Variants in KCNIP3 observed in about 807,000 individuals in gnomAD.
KCNIP3 encodes the protein potassium voltage-gated channel interacting protein 3, also known as calsenilin.
A neutral mutation model predicts 35.0 loss-of-function variants in KCNIP3; 28 were observed. The ratio of observed to expected loss-of-function variants is 0.80; its 90% CI spans 0.59 to 1.10. KCNIP3 has a LOEUF of 1.10. KCNIP3 is among the 50% of genes least tolerant of loss of function. The pLI, the probability that KCNIP3 is intolerant of heterozygous loss-of-function variation, is 0.00. For missense variants in KCNIP3, 295 were observed against 338.4 expected, an observed-to-expected ratio of 0.87 and a Z score of 1.01; for synonymous variants, 134 against 133.8, an observed-to-expected ratio of 1.00 and a Z score of -0.01.
At chr2:95,314,590 G>A (rs952373856) in intron 2 of KCNIP3, among the ~76,000 whole-genome samples, 1 of 152,194 alleles carries the variant, frequency 6.6e-6, no homozygotes, top group African/African-American at 2.4e-5. Flanking sequence ...CACTGGATTT[G>A]AAGCAGAGTC....
chr2:95,325,098 A>G (rs1392283786), intron 2 of KCNIP3, among the ~76,000 whole-genome samples: 3 of 152,080 alleles, frequency 2.0e-5, no homozygotes, highest in Non-Finnish European at 2.9e-5. Flanking sequence ...AGGGAAGTGT[A>G]CTGGCTGGGC....
rs765355140 is a variant in KCNIP3 at position 95,384,087 on chromosome 2, AC to A, written c.*43del. 3 of 1,600,390 alleles carry A rather than the reference AC, an allele frequency of 1.9e-6. No individual in the cohort carries two copies. Among genetic ancestry groups the A allele is most frequent in the Admixed American group, 3.3e-5 (2 of 59,884 alleles). Reference sequence around the variant, plus strand: ...GGAGTGCATGGCCACAGCCACCTCCACCCCCAAGAAACCTCCATCCTGCCAG... The same window carrying A: ...GGAGTGCATGGCCACAGCCACCTCCACCCCAAGAAACCTCCATCCTGCCAG... On this transcript the variant is annotated 3_prime_UTR_variant, in exon 9 of 9. Transcript: ENST00000295225.
At chr2:95,383,666 G>T (rs190285298) in intron 8 of KCNIP3, among the ~76,000 whole-genome samples, 2 of 152,188 alleles carry the variant, frequency 1.3e-5, no homozygotes, top group Non-Finnish European at 2.9e-5. Context: ...AGCACCTCAG[G>T]GGGCAGGATG....
intron 2 of KCNIP3, among the ~76,000 whole-genome samples, chr2:95,330,190 C>T (rs1212205354): frequency 6.6e-6 from 1 of 152,126 alleles, no homozygotes; most frequent in Non-Finnish European, 1.5e-5. Context: ...TGATACTGGG[C>T]AGGGAGGGGC....
intron 3 of KCNIP3, 90 bp from the exon 4 acceptor site, chr2:95,374,758 G>C: frequency 1.4e-6 from 2 of 1,454,294 alleles, no homozygotes; most frequent in Middle Eastern, 1.8e-4. Flanking sequence ...CAGCCCCCAA[G>C]GGGGTGGAGA....
At chr2:95,365,111 A>G (rs1233520395) in intron 2 of KCNIP3, among the ~76,000 whole-genome samples, 1 of 148,922 alleles carries the variant, frequency 6.7e-6, no homozygotes, top group African/African-American at 2.5e-5. Context: ...AGTCTCAGGT[A>G]TTCCTTTCTA....
rs746764229 is a variant in KCNIP3, at chr2:95,324,282, C to T, written c.181+13762C>T. Among the ~76,000 whole-genome samples the T allele has an allele frequency of 2.3e-3, 349 of 150,260 alleles. 1 individual carries two copies. Among genetic ancestry groups the T allele is most frequent in the Middle Eastern group, 0.011 (3 of 278 alleles). ...ATCCCAGCACTTTGGGAGGCCGAGG[C>T]AGGCGGATCACGAGGTCAGGAGATC... On this transcript the variant is annotated intron_variant, in intron 2 of 8. Transcript: ENST00000295225.
intron 2 of KCNIP3, chr2:95,312,660 A>G (rs1396575233): frequency 6.6e-6 from 1 of 151,888 alleles, no homozygotes; most frequent in Non-Finnish European, 1.5e-5. Context: ...GGAGCTCATC[A>G]CCCTGATTTA....
At chr2:95,330,386 C>T (rs1678897090) in intron 2 of KCNIP3, among the ~76,000 whole-genome samples, 1 of 152,150 alleles carries the variant, frequency 6.6e-6, no homozygotes, top group African/African-American at 2.4e-5. Context: ...TGAGGGCCAT[C>T]CCATATGGGG....
chr2:95,304,490 C>T (rs1678121967), intron 1 of KCNIP3, among the ~76,000 whole-genome samples: 1 of 152,162 alleles, frequency 6.6e-6, no homozygotes, highest in Admixed American at 6.5e-5. Context: ...ATCTCCTGCA[C>T]CTCGTAGGTG....
intron 5 of KCNIP3, among the ~76,000 whole-genome samples, chr2:95,379,421 G>C (rs1358493124): frequency 1.3e-5 from 2 of 151,722 alleles, no homozygotes; most frequent in African/African-American, 4.9e-5. Flanking sequence ...GCCAGAGGAG[G>C]CCCCCCCACC....
At chr2:95,344,383 G>A (rs1679294685) in intron 2 of KCNIP3, among the ~76,000 whole-genome samples, 1 of 152,196 alleles carries the variant, frequency 6.6e-6, no homozygotes, top group Admixed American at 6.5e-5. Context: ...GGCCTACGCT[G>A]GTGAGTGAGC....
intron 2 of KCNIP3, among the ~76,000 whole-genome samples, chr2:95,365,248 G>A (rs1470419216): frequency 6.3e-5 from 9 of 142,292 alleles, no homozygotes; most frequent in African/African-American, 2.4e-4. Context: ...TGCAGCCTCC[G>A]CCTTCAGGGT....
intron 2 of KCNIP3, among the ~76,000 whole-genome samples, chr2:95,346,101 C>T (rs1679349569): frequency 6.6e-6 from 1 of 152,234 alleles, no homozygotes; most frequent in Admixed American, 6.5e-5. Flanking sequence ...GTTTCCAGAA[C>T]GGGAGAACTT....
intron 2 of KCNIP3, among the ~76,000 whole-genome samples, chr2:95,366,128 G>A (rs1679911598): frequency 6.6e-6 from 1 of 152,144 alleles, no homozygotes; most frequent in Non-Finnish European, 1.5e-5. Context: ...CTACAGGTGT[G>A]CACCACCACA....
intron 2 of KCNIP3, among the ~76,000 whole-genome samples, chr2:95,367,758 ATTTTTTT>A (rs5832800): frequency 3.0e-5 from 4 of 131,808 alleles, no homozygotes; most frequent in East Asian, 2.2e-4. Context: ...GTGACTTAAC[ATTTTTTT>A]TTTTTTTTTT....
chr2:95,345,611 T>G (rs1172909240), intron 2 of KCNIP3, among the ~76,000 whole-genome samples: 1 of 152,250 alleles, frequency 6.6e-6, no homozygotes, highest in African/African-American at 2.4e-5. Context: ...ATTTCTCCCT[T>G]GGCTAACACA....
At chr2:95,324,031 C>T (rs1678660205) in intron 2 of KCNIP3, among the ~76,000 whole-genome samples, 1 of 152,212 alleles carries the variant, frequency 6.6e-6, no homozygotes, top group Non-Finnish European at 1.5e-5. Flanking sequence ...CCCGCGGCCA[C>T]TGCCTTGGAA....
rs145254140 is a variant in KCNIP3, at chr2:95,376,569, C to T, written c.447+1361C>T. 1.9e-3 allele frequency among the ~76,000 whole-genome samples: 285 copies of T among 152,382 alleles called. 2 individuals are homozygous for T. The highest frequency in any genetic ancestry group is 6.7e-3 in the African/African-American group (277 of 41,592). On this transcript the variant is annotated intron_variant, in intron 5 of 8. Transcript: ENST00000295225. This position sits in a 1 kb window ranked among gnomAD's most constrained non-coding sequence, Gnocchi z 4.2. ...GGCACCTTCTCAGAAGATCACTCAT[C>T]CCTGGCATCTTCCTGGGCCTTCTGC...
Sources: allele counts gnomAD v4.1 joint callset (sites outside exome capture counted in the v4.1 genomes callset), GRCh38; gene constraint gnomAD v4.1.1; non-coding constraint Gnocchi (gnomAD v3.1); transcripts MANE v1.5; gene names NCBI Gene and HGNC (gene_info 2026-07-23, HGNC 2026-07-21).